Variants in PDSS2 observed in about 807,000 individuals in gnomAD.
PDSS2 encodes the protein decaprenyl diphosphate synthase subunit 2, also known as all trans-polyprenyl-diphosphate synthase PDSS2.
A neutral mutation model predicts 44.5 loss-of-function variants in PDSS2; 31 were observed. The ratio of observed to expected loss-of-function variants is 0.70; its 90% CI spans 0.52 to 0.94. The LOEUF (loss-of-function observed/expected upper bound fraction) is 0.94, where lower values mean the gene tolerates loss of function less well. PDSS2 is among the 40% of genes least tolerant of loss of function. PDSS2 has a pLI of 0.00. For synonymous variants in PDSS2, 157 were observed against 180.3 expected (o/e 0.87, Z 1.03); for missense variants, 452 against 482.2 (o/e 0.94, Z 0.59).
intron 2 of PDSS2, among the ~76,000 whole-genome samples, chr6:107,323,995 A>G (rs1777462582): frequency 6.6e-6 from 1 of 152,166 alleles, no homozygotes; most frequent in Admixed American, 6.6e-5. Context: ...ACTGTTTTGT[A>G]AGAAGCTGAT....
At chr6:107,284,922 A>G (rs1221917304) in intron 2 of PDSS2, among the ~76,000 whole-genome samples, 1 of 152,218 alleles carries the variant, frequency 6.6e-6, no homozygotes, top group Non-Finnish European at 1.5e-5. Flanking sequence ...ACAAAATAAT[A>G]TACAACTCAC....
intron 1 of PDSS2, among the ~76,000 whole-genome samples, chr6:107,453,209 C>T (rs1268639352): frequency 6.6e-6 from 1 of 152,044 alleles, no homozygotes; most frequent in Non-Finnish European, 1.5e-5. Context: ...AGGTGATCCA[C>T]CCACCTTAGC....
At chr6:107,210,360 T>C (rs1773155308) in intron 6 of PDSS2, 79 bp downstream of exon 6, 1 of 1,072,058 alleles carries the variant, frequency 9.3e-7, no homozygotes, top group East Asian at 2.4e-5. Context: ...TATAGCCATA[T>C]ATCACCAAGA....
At chr6:107,156,416 C>G (rs1258446809) in intron 7 of PDSS2, among the ~76,000 whole-genome samples, 1 of 151,954 alleles carries the variant, frequency 6.6e-6, no homozygotes, top group Non-Finnish European at 1.5e-5. Context: ...GGATGGTCTC[C>G]ATCTCCTGAC....
At chr6:107,388,895 C>A (rs1779695681) in intron 1 of PDSS2, among the ~76,000 whole-genome samples, 1 of 151,524 alleles carries the variant, frequency 6.6e-6, no homozygotes, top group Non-Finnish European at 1.5e-5. Flanking sequence ...AAGGAATAAC[C>A]TACTGATTCA....
intron 1 of PDSS2, among the ~76,000 whole-genome samples, chr6:107,377,368 T>C (rs958476244): frequency 6.6e-5 from 10 of 152,100 alleles, no homozygotes; most frequent in African/African-American, 9.7e-5. Context: ...ATGGCGATCA[T>C]TAAAAAGTCA....
intron 1 of PDSS2, among the ~76,000 whole-genome samples, chr6:107,419,492 T>C (rs529123328): frequency 6.6e-6 from 1 of 152,324 alleles, no homozygotes; most frequent in East Asian, 1.9e-4. Context: ...TGTGTTTCCT[T>C]TGCTTACCTA....
chr6:107,299,184 C>A (rs1380772947), intron 2 of PDSS2, among the ~76,000 whole-genome samples: 47 of 136,548 alleles, frequency 3.4e-4, no homozygotes, highest in Non-Finnish European at 9.6e-5. Context: ...CAAACATATA[C>A]CAAATAAAGA....
At chr6:107,451,370 G>A (rs1467402867) in intron 1 of PDSS2, among the ~76,000 whole-genome samples, 1 of 152,068 alleles carries the variant, frequency 6.6e-6, no homozygotes, top group Non-Finnish European at 1.5e-5. Context: ...AGATGTCCGG[G>A]ATCCAGGGTC....
chr6:107,350,248 ATAATTAG>A (rs1224426544), intron 1 of PDSS2, among the ~76,000 whole-genome samples: 1 of 152,166 alleles, frequency 6.6e-6, no homozygotes, highest in Non-Finnish European at 1.5e-5. Context: ...TTCCCCCTTT[ATAATTAG>A]TAATGTTTTG....
intron 4 of PDSS2, among the ~76,000 whole-genome samples, chr6:107,239,548 C>G (rs1377081071): frequency 1.3e-5 from 2 of 149,492 alleles, no homozygotes; most frequent in Non-Finnish European, 3.0e-5. Flanking sequence ...TGATTCATTT[C>G]TGGGGAATGG....
intron 2 of PDSS2, among the ~76,000 whole-genome samples, chr6:107,310,214 G>A (rs1300205373): frequency 6.7e-6 from 1 of 149,940 alleles, no homozygotes; most frequent in Non-Finnish European, 1.5e-5. Context: ...GAACCTGGGA[G>A]GCGGAGCTTA....
chr6:107,207,608 C>CTTTT lies in PDSS2; in HGVS notation c.1008+2827_1008+2830dup, dbSNP rs777686277. ...GATTAAAATAAACTCAGTAAAGTGTCTTTTTTTTTTTTTTTTTTTGTGAGA... is the reference window on the plus strand; with the variant it reads ...GATTAAAATAAACTCAGTAAAGTGTCTTTTTTTTTTTTTTTTTTTTTTTGTGAGA... On this transcript the variant is annotated intron_variant, in intron 6 of 7. Coordinates refer to ENST00000369037, the MANE Select transcript of PDSS2 (RefSeq NM_020381.4). Among the ~76,000 whole-genome samples the CTTTT allele has an allele frequency of 1.9e-4, 21 of 110,394 alleles. 2 individuals carry two copies. Among genetic ancestry groups the CTTTT allele is most frequent in the South Asian group, 6.2e-4 (2 of 3,202 alleles). 72.4% of individuals were successfully genotyped at this position (110,394 alleles called of 152,430 possible).
At chr6:107,424,429 C>T (rs1051191062) in intron 1 of PDSS2, among the ~76,000 whole-genome samples, 1 of 152,136 alleles carries the variant, frequency 6.6e-6, no homozygotes. Flanking sequence ...CAACATATCC[C>T]TTATTGTGCT....
At chr6:107,446,113 C>T (rs1256442884) in intron 1 of PDSS2, among the ~76,000 whole-genome samples, 4 of 152,024 alleles carry the variant, frequency 2.6e-5, no homozygotes, top group South Asian at 2.1e-4. Context: ...GTCAAGAGAT[C>T]GAGACCATCT....
chr6:107,458,010 G>C (rs1263096583), intron 1 of PDSS2, among the ~76,000 whole-genome samples: 1 of 152,042 alleles, frequency 6.6e-6, no homozygotes, highest in Non-Finnish European at 1.5e-5. Context: ...CACGTGAATA[G>C]TATATATATC....
At chr6:107,273,783 A>T (rs1189642723) in intron 3 of PDSS2, among the ~76,000 whole-genome samples, 5 of 148,762 alleles carry the variant, frequency 3.4e-5, no homozygotes, top group African/African-American at 1.2e-4. Context: ...TGAAGATTTA[A>T]CCCTATCCTA....
intron 1 of PDSS2, among the ~76,000 whole-genome samples, chr6:107,366,329 T>C (rs752886117): frequency 6.6e-6 from 1 of 151,980 alleles, no homozygotes; most frequent in Admixed American, 6.5e-5. Flanking sequence ...TATTTCCACC[T>C]GAATGAAAAT....
At chr6:107,178,163 T>C (rs927737071) in intron 7 of PDSS2, among the ~76,000 whole-genome samples, 19 of 152,152 alleles carry the variant, frequency 1.2e-4, no homozygotes, top group African/African-American at 4.6e-4. Flanking sequence ...TAAGATGAGT[T>C]TAAAACACAT....
Sources: gnomAD v4.1 joint callset for allele counts (sites outside exome capture counted in the v4.1 genomes callset) on GRCh38, gnomAD v4.1.1 for gene constraint, MANE v1.5 for transcripts, NCBI Gene and HGNC (gene_info 2026-07-23, HGNC 2026-07-21) for gene names.